The following UNC80 variants were observed in gnomAD, a reference collection of about 807,000 sequenced individuals.
The protein encoded by UNC80 is protein unc-80 homolog.
In UNC80, 164 loss-of-function variants were observed where a neutral mutation model predicts 384.6. The ratio of observed to expected loss-of-function variants is 0.43; its 90% confidence interval spans 0.38 to 0.49. The LOEUF is 0.49. Among genes scored for constraint, UNC80 ranks in the 20% least tolerant of loss-of-function variants. The probability of loss-of-function intolerance (pLI) is 0.00; values close to 1 mark genes in which losing one functional copy is unlikely to be tolerated. For missense variants in UNC80, 3,330 were observed against 4,143.0 expected (o/e 0.80, Z 5.39); for synonymous variants, 1,486 against 1,527.8 (o/e 0.97, Z 0.64).
chr2:209,969,606 C>T (rs908096611), intron 52 of UNC80, 162 bp from the exon 53 acceptor site: 2 of 947,836 alleles, frequency 2.1e-6, no homozygotes, highest in Non-Finnish European at 3.0e-6. Context: ...TCAGTATCTT[C>T]TTCCCCTCCC....
intron 37 of UNC80, 133 bp from the exon 38 acceptor site, chr2:209,930,835 A>T (rs1338260134): frequency 1.7e-6 from 1 of 602,004 alleles, no homozygotes; most frequent in Admixed American, 3.0e-5. Flanking sequence ...TAAAATGTTG[A>T]ACATAATTGA....
chr2:209,936,787 C>G, intron 40 of UNC80, 57 bp from the exon 41 acceptor site: 1 of 1,239,858 alleles, frequency 8.1e-7, no homozygotes, highest in South Asian at 1.3e-5. Context: ...ACCTTACTAC[C>G]TAGCACATAA....
intron 7 of UNC80, among the ~76,000 whole-genome samples, chr2:209,799,328 T>G (rs1237032229): frequency 6.6e-6 from 1 of 152,164 alleles, no homozygotes; most frequent in Non-Finnish European, 1.5e-5. Context: ...GTATTATCTT[T>G]GTAGCAATTG....
rs575634311 is a variant in UNC80 at position 209,998,781 on chromosome 2, G to C, written c.*3186G>C. On this transcript the variant is annotated 3_prime_UTR_variant, in exon 65 of 65. Coordinates refer to ENST00000673920, the MANE Select transcript of UNC80 (RefSeq NM_001371986.1). ...TAATAGAACACAGTCTCCAGAATTC[G>C]CTGCTATCACACCAAGTCATGCTGT... 6.6e-6 allele frequency: 1 copy of C among 152,132 alleles called. No homozygotes were observed. The highest frequency in any genetic ancestry group is 2.4e-5 in the African/African-American group (1 of 41,416). The allele number at this position is 152,132 out of a possible 1,614,324, so 9.4% of individuals were successfully genotyped here. A position where few individuals can be genotyped will look rare whatever the true frequency, so the allele number is the denominator to read the frequency against.
intron 43 of UNC80, among the ~76,000 whole-genome samples, chr2:209,940,726 A>G (rs2091573561): frequency 6.6e-6 from 1 of 152,200 alleles, no homozygotes; most frequent in South Asian, 2.1e-4. Context: ...CTGAAGCATG[A>G]GAATCACATG....
intron 44 of UNC80, among the ~76,000 whole-genome samples, 198 bp downstream of exon 44, chr2:209,941,687 T>G (rs1327020071): frequency 6.6e-6 from 1 of 152,188 alleles, no homozygotes; most frequent in Non-Finnish European, 1.5e-5. Context: ...AGCCCCAGAC[T>G]TGGGATATGC....
chr2:209,870,606 C>G (rs1011067734), intron 22 of UNC80, among the ~76,000 whole-genome samples: 1 of 152,150 alleles, frequency 6.6e-6, no homozygotes, highest in Non-Finnish European at 1.5e-5. Context: ...TGCATTCTGT[C>G]TTTCACATAG....
At chr2:209,955,036 G>A (rs1016815860) in intron 48 of UNC80, among the ~76,000 whole-genome samples, 4 of 152,258 alleles carry the variant, frequency 2.6e-5, no homozygotes, top group Non-Finnish European at 2.9e-5. Context: ...GACACTATGC[G>A]TATGATGGGC....
chr2:209,961,974 G>A (rs2092605244), intron 51 of UNC80, among the ~76,000 whole-genome samples: 1 of 152,090 alleles, frequency 6.6e-6, no homozygotes, highest in Non-Finnish European at 1.5e-5. Context: ...GTATAAATAT[G>A]ACTGGACAAA....
At chr2:209,886,330 C>T (rs1456779118) in intron 25 of UNC80, among the ~76,000 whole-genome samples, 1 of 151,718 alleles carries the variant, frequency 6.6e-6, no homozygotes, top group Non-Finnish European at 1.5e-5. Flanking sequence ...GCAATCCCAA[C>T]ACTTTGGGAG....
chr2:209,903,014 G>C (rs896303067), intron 28 of UNC80, among the ~76,000 whole-genome samples: 1 of 150,532 alleles, frequency 6.6e-6, no homozygotes, highest in Non-Finnish European at 1.5e-5. Flanking sequence ...ACACAGATGA[G>C]CAAGCCCCTG....
intron 15 of UNC80, 79 bp downstream of exon 15, chr2:209,829,458 T>A (rs1574630476): frequency 2.7e-6 from 4 of 1,464,278 alleles, no homozygotes; most frequent in Non-Finnish European, 2.8e-6. Flanking sequence ...ACACTAAATT[T>A]GTGGAGGTAG....
At chr2:209,791,769 G>T (rs2153825622) in intron 6 of UNC80, among the ~76,000 whole-genome samples, 1 of 124,082 alleles carries the variant, frequency 8.1e-6, no homozygotes, top group Admixed American at 1.1e-4. Context: ...GCAGTGAGCT[G>T]AGATCGTGCC....
At chr2:209,824,849 G>T (rs1164660406) in intron 13 of UNC80, among the ~76,000 whole-genome samples, 1 of 152,118 alleles carries the variant, frequency 6.6e-6, no homozygotes, top group Admixed American at 6.6e-5. Flanking sequence ...CTTATATCTG[G>T]TTCCAAAGTT....
At chr2:209,925,823 C>T (rs1010556193) in intron 35 of UNC80, among the ~76,000 whole-genome samples, 2 of 152,150 alleles carry the variant, frequency 1.3e-5, no homozygotes, top group Non-Finnish European at 2.9e-5. Flanking sequence ...CTTCACCTCT[C>T]AAAGCCCAGA....
At chr2:209,816,713 G>A (rs1043548646) in intron 9 of UNC80, among the ~76,000 whole-genome samples, 196 bp from the exon 10 acceptor site, 1 of 152,114 alleles carries the variant, frequency 6.6e-6, no homozygotes, top group East Asian at 1.9e-4. Context: ...CGGAATACAT[G>A]GCCTTTTACT....
At chr2:209,809,098 CCACGTT>C in intron 7 of UNC80, 1 of 522,818 alleles carries the variant, frequency 1.9e-6, no homozygotes. Flanking sequence ...GTCCCCCAGC[CCACGTT>C]CACAGCCTTC....
intron 4 of UNC80, among the ~76,000 whole-genome samples, chr2:209,780,487 G>A (rs2077095563): frequency 6.6e-6 from 1 of 152,134 alleles, no homozygotes; most frequent in African/African-American, 2.4e-5. Context: ...AAGTTGTTGG[G>A]GAATGTACAA....
intron 7 of UNC80, among the ~76,000 whole-genome samples, chr2:209,804,564 G>A (rs1474537643): frequency 1.3e-5 from 2 of 151,814 alleles, no homozygotes; most frequent in African/African-American, 4.8e-5. Flanking sequence ...AATCTTTTTA[G>A]GGTCCACTAG....
Sources: gnomAD v4.1 joint callset for allele counts (sites outside exome capture counted in the v4.1 genomes callset) on GRCh38, gnomAD v4.1.1 for gene constraint, MANE v1.5 for transcripts, NCBI Gene and HGNC (gene_info 2026-07-23, HGNC 2026-07-21) for gene names.